The following UHRF1 variants were observed in gnomAD, a reference collection of about 807,000 sequenced individuals.
UHRF1 encodes the protein E3 ubiquitin-protein ligase UHRF1.
Under a neutral mutation model 96.5 loss-of-function variants are expected in UHRF1, and 9 were observed. The observed-to-expected ratio is 0.09, with a 90% confidence interval of 0.06 to 0.16. The LOEUF is 0.16. Ranked by LOEUF, UHRF1 falls within the 10% of genes least tolerant of loss-of-function variation. The pLI is 1.00. For missense variants in UHRF1, 626 were observed against 1,131.1 expected (o/e 0.55, Z 6.40); for synonymous variants, 455 against 469.9 (o/e 0.97, Z 0.41).
At chr19:4,907,394 G>A (rs1356654701), upstream of UHRF1, among the ~76,000 whole-genome samples, 5 of 151,966 alleles carry the variant, frequency 3.3e-5, no homozygotes, top group African/African-American at 1.2e-4. Flanking sequence ...TCAGCTTCCC[G>A]AGTAGCTGGG....
chr19:4,961,617 G>A lies in UHRF1; in HGVS notation c.*814G>A, dbSNP rs1287256514. The stretch of plus-strand genomic sequence containing the variant: ...CTTTCTAAAGACGACAGTCTTTGTT[G>A]TTAGCACTGAATTATTGAAAATGTC... On this transcript the variant is annotated 3_prime_UTR_variant, in exon 17 of 17. Transcript: ENST00000650932. The A allele has an allele frequency of 1.3e-5, 2 of 151,292 alleles. No homozygotes were observed. Among genetic ancestry groups the A allele is most frequent in the Non-Finnish European group, 3.0e-5 (2 of 67,598 alleles). The allele number at this position is 151,292 out of a possible 1,614,324, so 9.4% of individuals were successfully genotyped here.
intron 5 of UHRF1, among the ~76,000 whole-genome samples, chr19:4,940,755 G>A (rs768523971): frequency 6.8e-6 from 1 of 146,372 alleles, no homozygotes; most frequent in Non-Finnish European, 1.5e-5. Flanking sequence ...TCACTTCAGC[G>A]TCTGCCTCCT....
At position 4,930,809 on chromosome 19, in the gene UHRF1, G is replaced by A. The variant is rs774552372; in HGVS notation, c.502G>A (p.Glu168Lys). Residue 168 changes from glutamate (E) to lysine (K), a missense_variant, in exon 4 of 17, where the codon GAG (glutamate) becomes AAG (lysine). This residue lies in a region of UHRF1 where 198 missense variants were observed against 235.1 expected (regional missense o/e 0.84). Coordinates refer to ENST00000650932, the MANE Select transcript of UHRF1 (RefSeq NM_001048201.3). This position sits in a 1 kb window ranked among gnomAD's most constrained non-coding sequence, Gnocchi z 4.4. The part of the protein sequence containing the change: ...RVTRKAPSRD[E>K]PCSSTSRPAL... ...GACGCGGAAGGCCCCCTCCCGGGAC[G>A]AGCCCTGCAGCTCCACGTCCAGGCC... is the stretch of plus-strand genomic sequence containing the variant. The A allele has an allele frequency of 2.7e-5, 44 of 1,613,840 alleles. No individual in the cohort carries two copies. The highest frequency in any genetic ancestry group is 3.6e-5 in the Non-Finnish European group (42 of 1,179,886).
intron 4 of UHRF1, among the ~76,000 whole-genome samples, chr19:4,932,323 C>A (rs1188056081): frequency 6.6e-6 from 1 of 152,258 alleles, no homozygotes; most frequent in Non-Finnish European, 1.5e-5. Context: ...CCGCTTCGGC[C>A]TCCCAAAGTG....
chr19:4,950,657 G>A lies in UHRF1; in HGVS notation c.1564G>A (p.Ala522Thr). 2.5e-6 allele frequency: 4 copies of A among 1,612,422 alleles called. No individual in the cohort carries two copies. Among genetic ancestry groups the A allele is most frequent in the Non-Finnish European group, 3.4e-6 (4 of 1,179,498 alleles). The change falls in exon 12 of 17, where the codon GCC (alanine) becomes ACC (threonine). Residue 522 changes from alanine to threonine, a missense_variant. Ala to Thr is a moderately conservative substitution (Grantham distance 58). This residue lies in a region of UHRF1 where 61 missense variants were observed against 199.2 expected (regional missense o/e 0.31). Transcript: ENST00000650932. ...TGCTCCCATCAATGACCAAGAAGGG[G>A]CCGAGGCCAAGGACTGGCGGTCGGG... ...CFAPINDQEG[A>T]EAKDWRSGKP...
At chr19:4,937,811 G>A (rs1235553735) in intron 5 of UHRF1, among the ~76,000 whole-genome samples, 1 of 152,158 alleles carries the variant, frequency 6.6e-6, no homozygotes, top group Admixed American at 6.6e-5. Context: ...AAGAGATTGT[G>A]TAAAATTTAC....
intron 4 of UHRF1, 43 bp from the exon 5 acceptor site, chr19:4,932,698 C>T (rs763137545): frequency 6.2e-7 from 1 of 1,601,462 alleles, no homozygotes; most frequent in Non-Finnish European, 8.5e-7. Flanking sequence ...GGGAAGGAGG[C>T]TTGGTCTTAG....
intron 2 of UHRF1, among the ~76,000 whole-genome samples, chr19:4,919,664 A>G (rs903970378): frequency 3.3e-5 from 5 of 151,996 alleles, no homozygotes; most frequent in African/African-American, 1.2e-4. Flanking sequence ...TTTTAGATTA[A>G]GTCACTCCTT....
intron 2 of UHRF1, among the ~76,000 whole-genome samples, chr19:4,918,487 A>G (rs1373978274): frequency 1.4e-5 from 2 of 145,362 alleles, no homozygotes; most frequent in African/African-American, 5.1e-5. Context: ...GCTTGATGTC[A>G]GCTCACCGCA....
chr19:4,913,845 C>T (rs1568406385), intron 2 of UHRF1, among the ~76,000 whole-genome samples: 1 of 110,478 alleles, frequency 9.1e-6, no homozygotes, highest in Non-Finnish European at 1.7e-5. Flanking sequence ...CAGTTTCGCT[C>T]TTATTGCCCA....
At chr19:4,947,029 A>G (rs2602734) in intron 10 of UHRF1, 76 bp from the exon 11 acceptor site, 642,348 of 1,062,200 alleles carry the variant, frequency 0.6, 198,419 homozygotes, top group East Asian at 0.84. Flanking sequence ...CATCCTGGGG[A>G]GTTTGCTTTC....
intron 2 of UHRF1, 90 bp from the exon 3 acceptor site, chr19:4,929,132 G>A (rs1196896052): frequency 1.3e-6 from 2 of 1,510,422 alleles, no homozygotes; most frequent in Admixed American, 1.9e-5. Context: ...CACAAGGGCT[G>A]GGACACAGTG....
rs149021808 is a variant in UHRF1 at position 4,940,882 on chromosome 19, A to C, written c.786-646A>C. ...GAGACAGGGTTTTACCATGTTGGCC[A>C]GGCTGGTCTCGAACTCCTGACCTCA... On this transcript the variant is annotated intron_variant, in intron 5 of 16. Transcript: ENST00000650932. Among the ~76,000 whole-genome samples the C allele has an allele frequency of 8.9e-3, 1,348 of 151,914 alleles. 20 individuals are homozygous for C. The highest frequency in any genetic ancestry group is 0.031 in the African/African-American group (1,288 of 41,434).
intron 5 of UHRF1, among the ~76,000 whole-genome samples, chr19:4,933,450 G>A (rs373038340): frequency 2.0e-5 from 3 of 152,094 alleles, no homozygotes; most frequent in South Asian, 2.1e-4. Context: ...TCCTGACCTC[G>A]TGATCTGCCT....
intron 2 of UHRF1, among the ~76,000 whole-genome samples, chr19:4,919,203 C>A (rs2032622543): frequency 6.6e-6 from 1 of 151,766 alleles, no homozygotes. Flanking sequence ...CCATGTTGCC[C>A]AGGTGATCTT....
intron 7 of UHRF1, among the ~76,000 whole-genome samples, chr19:4,942,686 G>A (rs1482015446): frequency 1.3e-5 from 2 of 152,076 alleles, no homozygotes; most frequent in Admixed American, 6.6e-5. Flanking sequence ...CTGACCTTAA[G>A]TGATCTGCCT....
At chr19:4,907,987 C>T (rs1382293657), upstream of UHRF1, among the ~76,000 whole-genome samples, 1 of 152,146 alleles carries the variant, frequency 6.6e-6, no homozygotes, top group Non-Finnish European at 1.5e-5. Flanking sequence ...GCTGGGATTA[C>T]AGGTGTGAGC....
In UHRF1 at chr19:4,932,732, TC is replaced by T; in HGVS notation, c.570-7del. 1 of 1,613,298 alleles carries T rather than the reference TC, an allele frequency of 6.2e-7. No individual in the cohort carries two copies. The highest frequency in any genetic ancestry group is 1.1e-5 in the South Asian group (1 of 91,062). Reference sequence around the variant, plus strand: ...AGCACGGGGTCTAAGGCCCGGGCTTTCCTCCCAGCTACCCGGAGAACGGCGT... The same window carrying T: ...AGCACGGGGTCTAAGGCCCGGGCTTTCTCCCAGCTACCCGGAGAACGGCGT... On this transcript the variant is annotated splice_polypyrimidine_tract_variant and splice_region_variant and intron_variant, in intron 4 of 16. Coordinates refer to ENST00000650932, the MANE Select transcript of UHRF1 (RefSeq NM_001048201.3).
intron 5 of UHRF1, among the ~76,000 whole-genome samples, chr19:4,937,187 T>C (rs1464504415): frequency 2.0e-5 from 3 of 152,170 alleles, no homozygotes; most frequent in Non-Finnish European, 4.4e-5. Context: ...TGGGATTGAT[T>C]CTTTTTTTCC....
Sources: allele counts gnomAD v4.1 joint callset (sites outside exome capture counted in the v4.1 genomes callset), GRCh38; gene constraint gnomAD v4.1.1; regional missense constraint gnomAD v4.1.1; non-coding constraint Gnocchi (gnomAD v3.1); transcripts MANE v1.5; gene names NCBI Gene and HGNC (gene_info 2026-07-23, HGNC 2026-07-21).